The following ABCA9 variants were observed in gnomAD, a reference collection of about 807,000 sequenced individuals.
ABCA9 encodes ATP-binding cassette sub-family A member 9.
Under a neutral mutation model 205.3 loss-of-function variants are expected in ABCA9, and 183 were observed. That is an observed-to-expected ratio of 0.89 (90% confidence interval 0.79 to 1.01). ABCA9 has a LOEUF of 1.01. Ranked by LOEUF, ABCA9 falls within the 50% of genes least tolerant of loss-of-function variation. ABCA9 has a pLI of 0.00. For missense variants in ABCA9, 1,805 were observed against 1,912.4 expected (o/e 0.94, Z 1.05); for synonymous variants, 651 against 683.3 (o/e 0.95, Z 0.74).
Position 68,986,237 on chromosome 17 carries a change from C to T in ABCA9, c.4135G>A (p.Val1379Met). 2 of 1,614,102 alleles carry T rather than the reference C, an allele frequency of 1.2e-6. No individual in the cohort carries two copies. The highest frequency in any genetic ancestry group is 1.3e-5 in the African/African-American group (1 of 75,054). The stretch of plus-strand genomic sequence containing the variant: ...GCGTACACCTCCAGGTGCTGCCTCA[C>T]TGTCAGGTTGGGCCACAGCGCATTC... Reference protein sequence around the residue: ...QENALWPNLTVRQHLEVYAAV... With the variant: ...QENALWPNLTMRQHLEVYAAV... The change falls in exon 32 of 39, where the codon GTG becomes ATG. Residue 1379 changes from valine to methionine, a missense_variant. By Grantham distance (21) the Val-to-Met change is conservative. Coordinates refer to ENST00000340001, the MANE Select transcript of ABCA9 (RefSeq NM_080283.4).
chr17:69,075,251 G>A, the ABCA9 span, among the ~76,000 whole-genome samples: 30 of 152,178 alleles, frequency 2.0e-4, no homozygotes, highest in African/African-American at 7.0e-4. Flanking sequence ...AGTTTACTTA[G>A]GTCCCGCTTG....
At position 68,976,158 on chromosome 17, in the gene ABCA9, G is replaced by C. The variant is rs370117036; in HGVS notation, c.4753C>G (p.Leu1585Val). The C allele has an allele frequency of 6.2e-7, 1 of 1,614,048 alleles. No homozygotes were observed. The highest frequency in any genetic ancestry group is 8.5e-7 in the Non-Finnish European group (1 of 1,179,930). The change falls in exon 38 of 39, where the codon CTC becomes GTC. Residue 1585 changes from leucine to valine, a missense_variant. Physicochemically the swap from Leu to Val is conservative, Grantham distance 32. Transcript: ENST00000340001. The part of the protein sequence containing the change: ...KQSFDLEEYS[L>V]SQSTLEQVFL... ...ACCTGCTCCAGGGTAGACTGTGAGA[G>C]GCTGTACTCCTCCAGGTCGAAACTC...
rs781398048 is a variant in ABCA9, at chr17:69,029,197, C to G, written c.1476G>C (p.Gly492=). ...RIKNLKKEYA[G]KCERVEALKG... is the part of the protein sequence containing the mutation. ...TCAAAGCTTCTACTCTCTCACACTT[C>G]CCTGCATATTCTTTTTTAAGATTTT... is the stretch of plus-strand genomic sequence containing the variant. The change falls in exon 11 of 39, where the codon GGG becomes GGC. Residue 492 remains glycine, a synonymous_variant. Transcript: ENST00000340001. 6.4e-7 allele frequency: 1 copy of G among 1,561,454 alleles called. No individual in the cohort carries two copies. The highest frequency in any genetic ancestry group is 8.7e-7 in the Non-Finnish European group (1 of 1,143,460).
chr17:69,007,857 C>A lies in ABCA9; in HGVS notation c.3337G>T (p.Gly1113Cys). The A allele has an allele frequency of 6.3e-7, 1 of 1,597,094 alleles. No homozygotes were observed. The highest frequency in any genetic ancestry group is 8.6e-7 in the Non-Finnish European group (1 of 1,166,216). The change falls in exon 25 of 39, where the codon GGC (glycine) becomes TGC (cysteine). Residue 1113 changes from glycine (G) to cysteine (C), a missense_variant. Transcript: ENST00000340001. ...NLLIQILCSI[G>C]YVSSLVFLTY... ...AAGAAAACAAGAGATGAGACATAGC[C>A]AATACTACACAGGATCTGAAAACAG...
chr17:68,994,461 A>G (rs1344460342), intron 26 of ABCA9, among the ~76,000 whole-genome samples: 1 of 152,226 alleles, frequency 6.6e-6, no homozygotes, highest in African/African-American at 2.4e-5. Flanking sequence ...GCAGGCTGTA[A>G]TAAGAGAAAC....
At chr17:68,997,637 T>C (rs1598347820) in intron 25 of ABCA9, among the ~76,000 whole-genome samples, 1 of 151,644 alleles carries the variant, frequency 6.6e-6, no homozygotes, top group East Asian at 1.9e-4. Context: ...TATTTATTTA[T>C]TCATTTTTTG....
chr17:69,049,137 A>T, intron 3 of ABCA9, 146 bp downstream of exon 3: 1 of 907,070 alleles, frequency 1.1e-6, no homozygotes, highest in Non-Finnish European at 1.6e-6. Context: ...ACTACAAAAA[A>T]TTTTGAGACT....
chr17:69,020,747 G>A (rs1012481888), intron 18 of ABCA9, 161 bp from the exon 19 acceptor site: 15 of 581,086 alleles, frequency 2.6e-5, no homozygotes, highest in African/African-American at 2.5e-4. Context: ...TTGAAGAAAT[G>A]GGAAAGAAGC....
chr17:69,041,636 G>A (rs1598404821), intron 6 of ABCA9, among the ~76,000 whole-genome samples: 1 of 152,124 alleles, frequency 6.6e-6, no homozygotes, highest in Non-Finnish European at 1.5e-5. Context: ...CCCGGGAGGG[G>A]GAGGTTGCAG....
intron 17 of ABCA9, among the ~76,000 whole-genome samples, chr17:69,022,986 T>C (rs2144308130): frequency 6.6e-6 from 1 of 152,342 alleles, no homozygotes; most frequent in Admixed American, 6.5e-5. Flanking sequence ...AGCAATCAGC[T>C]AAAACTTTGC....
intron 22 of ABCA9, among the ~76,000 whole-genome samples, chr17:69,015,863 T>C (rs58501455): frequency 0.014 from 2,158 of 152,138 alleles, 40 homozygotes; most frequent in African/African-American, 0.046. Context: ...GGGCCACAGA[T>C]GGTGACAGAT....
intron 17 of ABCA9, chr17:69,022,079 G>C (rs775004715): frequency 1.1e-5 from 3 of 266,996 alleles, no homozygotes; most frequent in Non-Finnish European, 2.1e-5. Flanking sequence ...TCACTCTTAG[G>C]AAACTACCTA....
intron 36 of ABCA9, among the ~76,000 whole-genome samples, chr17:68,983,052 A>G (rs1391020397): frequency 6.6e-6 from 1 of 152,136 alleles, no homozygotes; most frequent in Non-Finnish European, 1.5e-5. Context: ...TATCGTCAAC[A>G]ATCTGTCTAA....
chr17:69,063,638 T>C (rs527402245), upstream of ABCA9, among the ~76,000 whole-genome samples: 176 of 152,332 alleles, frequency 1.2e-3, no homozygotes, highest in African/African-American at 4.0e-3. Context: ...TGTGACGTGA[T>C]CTCTGCTCAC....
At chr17:69,045,071 GT>G (rs1486104146) in intron 4 of ABCA9, 100 bp downstream of exon 4, 1 of 885,350 alleles carries the variant, frequency 1.1e-6, no homozygotes, top group Non-Finnish European at 1.7e-6. Context: ...CTATGTTGTG[GT>G]TGTATATGTT....
At chr17:69,002,561 G>C (rs1208271181) in intron 25 of ABCA9, among the ~76,000 whole-genome samples, 1 of 149,556 alleles carries the variant, frequency 6.7e-6, no homozygotes, top group East Asian at 1.9e-4. Flanking sequence ...TTTTGGAATA[G>C]GTGTGGTGTG....
chr17:69,018,096 T>A (rs1471578778), intron 20 of ABCA9: 1 of 365,568 alleles, frequency 2.7e-6, no homozygotes, highest in African/African-American at 2.1e-5. Flanking sequence ...TGAAACATTT[T>A]TTTCCAGAGC....
chr17:69,001,294 A>C (rs754802952), intron 25 of ABCA9, among the ~76,000 whole-genome samples: 30 of 152,228 alleles, frequency 2.0e-4, no homozygotes, highest in Non-Finnish European at 3.2e-4. Flanking sequence ...ATGTCCCATC[A>C]ATACCTAATT....
At chr17:69,006,052 G>A (rs1226432284) in intron 25 of ABCA9, among the ~76,000 whole-genome samples, 1 of 152,086 alleles carries the variant, frequency 6.6e-6, no homozygotes, top group Admixed American at 6.5e-5. Context: ...CAAACATATA[G>A]CTAATTTTTT....
Sources: gnomAD v4.1 joint callset for allele counts (sites outside exome capture counted in the v4.1 genomes callset) on GRCh38, gnomAD v4.1.1 for gene constraint, MANE v1.5 for transcripts, NCBI Gene and HGNC (gene_info 2026-07-23, HGNC 2026-07-21) for gene names.